The following AHCYL2 variants were observed in gnomAD, a reference collection of about 807,000 sequenced individuals.
AHCYL2 encodes the protein S-adenosylhomocysteine hydrolase-like protein 2.
In AHCYL2, 28 loss-of-function variants were observed where a neutral mutation model predicts 81.4. That is an observed-to-expected ratio of 0.34 (90% CI 0.25 to 0.47). The LOEUF (loss-of-function observed/expected upper bound fraction) is 0.47. Among genes scored for constraint, AHCYL2 ranks in the 20% least tolerant of loss-of-function variants. The pLI is 1.00. For synonymous variants in AHCYL2, 272 were observed against 290.2 expected (o/e 0.94, Z 0.64); for missense variants, 551 against 785.1 (o/e 0.70, Z 3.56).
At chr7:129,242,709 C>CT (rs1794907975) in intron 1 of AHCYL2, among the ~76,000 whole-genome samples, 1 of 145,842 alleles carries the variant, frequency 6.9e-6, no homozygotes, top group Non-Finnish European at 1.5e-5. Flanking sequence ...GTGTGAGACT[C>CT]TGTCTCAGAA....
chr7:129,252,249 C>T (rs561940161), intron 1 of AHCYL2, among the ~76,000 whole-genome samples: 1 of 152,254 alleles, frequency 6.6e-6, no homozygotes, highest in East Asian at 1.9e-4. Context: ...TCAGATGGCA[C>T]TGATAATTAA....
At chr7:129,348,446 A>G (rs1043780785) in intron 1 of AHCYL2, among the ~76,000 whole-genome samples, 19 of 151,302 alleles carry the variant, frequency 1.3e-4, no homozygotes, top group African/African-American at 3.9e-4. Context: ...TGTCTCTACA[A>G]GAATGCACAA....
At chr7:129,263,626 T>G (rs967426613) in intron 1 of AHCYL2, among the ~76,000 whole-genome samples, 1 of 152,208 alleles carries the variant, frequency 6.6e-6, no homozygotes, top group African/African-American at 2.4e-5. Flanking sequence ...TTAATTTGTT[T>G]CTCTTCTCCC....
At chr7:129,294,174 G>A (rs1287456267) in intron 1 of AHCYL2, among the ~76,000 whole-genome samples, 1 of 152,196 alleles carries the variant, frequency 6.6e-6, no homozygotes, top group Non-Finnish European at 1.5e-5. Flanking sequence ...GTGTACCTAT[G>A]ATGAATGTTA....
rs1275965554 is a variant in AHCYL2, at chr7:129,397,341, T to C, written c.823+17T>C. The C allele has an allele frequency of 2.5e-6, 4 of 1,610,626 alleles. No homozygotes were observed. Among genetic ancestry groups the C allele is most frequent in the Non-Finnish European group, 3.4e-6 (4 of 1,178,242 alleles). On this transcript the variant is annotated intron_variant, in intron 5 of 16. Coordinates refer to ENST00000325006, the MANE Select transcript of AHCYL2 (RefSeq NM_015328.4). ...CAGAAAGTGGTAAGAGCTTATTCTC[T>C]GTGCCTTTGGCTAAAGTAAGTCTAT...
chr7:129,272,360 T>C (rs2718085), intron 1 of AHCYL2, among the ~76,000 whole-genome samples: 142,866 of 152,286 alleles, frequency 0.94, 67,667 homozygotes, highest in East Asian at 1. Context: ...CCTGCTATAC[T>C]CTGTCTGAAT....
intron 1 of AHCYL2, among the ~76,000 whole-genome samples, chr7:129,279,946 A>G (rs994700959): frequency 2.6e-5 from 4 of 152,124 alleles, no homozygotes; most frequent in African/African-American, 9.7e-5. Context: ...CTGTTTTATC[A>G]GTGGTGTCTT....
intron 1 of AHCYL2, among the ~76,000 whole-genome samples, chr7:129,272,042 T>G (rs1796039368): frequency 6.6e-6 from 1 of 152,198 alleles, no homozygotes; most frequent in Admixed American, 6.6e-5. Context: ...CAAGGCCAGG[T>G]CATGAAAAGT....
intron 1 of AHCYL2, among the ~76,000 whole-genome samples, chr7:129,358,307 G>C (rs1793811071): frequency 6.6e-6 from 1 of 152,048 alleles, no homozygotes; most frequent in Non-Finnish European, 1.5e-5. Flanking sequence ...CAGGAGAATG[G>C]CGTGAACCCG....
intron 1 of AHCYL2, among the ~76,000 whole-genome samples, chr7:129,359,472 T>C (rs1490472494): frequency 2.0e-5 from 3 of 152,238 alleles, no homozygotes; most frequent in Non-Finnish European, 4.4e-5. Context: ...AGCTTTGTTA[T>C]TTGTGTACTT....
intron 1 of AHCYL2, among the ~76,000 whole-genome samples, chr7:129,261,083 C>A (rs1369217256): frequency 6.6e-6 from 1 of 152,194 alleles, no homozygotes; most frequent in African/African-American, 2.4e-5. Flanking sequence ...AGCCACCGTA[C>A]CTGGCCTGAA....
chr7:129,263,349 C>G (rs971672327), intron 1 of AHCYL2, among the ~76,000 whole-genome samples: 4 of 152,156 alleles, frequency 2.6e-5, no homozygotes, highest in African/African-American at 9.7e-5. Flanking sequence ...GTGTCATTTC[C>G]TCTTACTTCC....
In AHCYL2 at chr7:129,389,610, G is replaced by T. The variant is rs1347350219; in HGVS notation, c.620-24G>T. The T allele has an allele frequency of 3.9e-6, 6 of 1,537,716 alleles. No individual in the cohort carries two copies. In the East Asian group the frequency reaches 1.3e-4, roughly 35 times the overall value. Reference sequence around the variant, plus strand: ...CTCTTATTCCTTCTTCTTTAATATTGCTGTATTTATTGGGCCTTTTCAGAA... The same window carrying T: ...CTCTTATTCCTTCTTCTTTAATATTTCTGTATTTATTGGGCCTTTTCAGAA... On this transcript the variant is annotated intron_variant, in intron 3 of 16. Coordinates refer to ENST00000325006, the MANE Select transcript of AHCYL2 (RefSeq NM_015328.4).
At chr7:129,275,566 G>T (rs566339055) in intron 1 of AHCYL2, among the ~76,000 whole-genome samples, 2 of 152,204 alleles carry the variant, frequency 1.3e-5, no homozygotes, top group South Asian at 4.1e-4. Context: ...GGCATAGCAG[G>T]TTAATAGTAG....
At chr7:129,286,351 A>G (rs1796629190) in intron 1 of AHCYL2, among the ~76,000 whole-genome samples, 1 of 152,048 alleles carries the variant, frequency 6.6e-6, no homozygotes, top group African/African-American at 2.4e-5. Flanking sequence ...CCCGGTTTCA[A>G]GCTTCTCTCC....
intron 1 of AHCYL2, among the ~76,000 whole-genome samples, chr7:129,249,058 C>G (rs988895952): frequency 7.1e-6 from 1 of 140,476 alleles, no homozygotes; most frequent in African/African-American, 2.7e-5. Context: ...AGTGCAGTGG[C>G]GCGATCTTGG....
In AHCYL2 at chr7:129,297,328, C is replaced by T. The variant is rs536671748; in HGVS notation, c.363+71889C>T. The stretch of plus-strand genomic sequence containing the variant: ...TTTGAAGTAAACTTCATCTTAGGAC[C>T]GGGCTGAGTTGTGCATACTGCTGAA... On this transcript the variant is annotated intron_variant, in intron 1 of 16. Transcript: ENST00000325006. Among the ~76,000 whole-genome samples the T allele has an allele frequency of 1.4e-4, 22 of 152,150 alleles. No individual in the cohort carries two copies. In the South Asian group the frequency reaches 2.7e-3, roughly 19 times the overall value.
At chr7:129,416,656 T>C (rs762296527) in intron 12 of AHCYL2, among the ~76,000 whole-genome samples, 16 of 151,512 alleles carry the variant, frequency 1.1e-4, no homozygotes, top group Non-Finnish European at 1.6e-4. Context: ...AAAAAATAGC[T>C]GGGCGTGGTG....
chr7:129,413,765 G>A, intron 12 of AHCYL2, 77 bp downstream of exon 12: 1 of 1,204,526 alleles, frequency 8.3e-7, no homozygotes, highest in Non-Finnish European at 1.2e-6. Flanking sequence ...AGAGAGCAGG[G>A]TCACAAGCCA....
Sources: allele counts gnomAD v4.1 joint callset (sites outside exome capture counted in the v4.1 genomes callset), GRCh38; gene constraint gnomAD v4.1.1; transcripts MANE v1.5; gene names NCBI Gene and HGNC (gene_info 2026-07-23, HGNC 2026-07-21).